IMMP2L: variants seen among roughly 807,000 people sequenced by gnomAD.
IMMP2L encodes the protein inner mitochondrial membrane peptidase subunit 2.
IMMP2L carries 18 observed loss-of-function variants against 19.3 expected under a neutral mutation model. That is an observed-to-expected ratio of 0.93 (90% CI 0.64 to 1.38). IMMP2L has a LOEUF of 1.38. Ranked by LOEUF, IMMP2L falls within the 40% of genes most tolerant of loss-of-function variation. The probability of loss-of-function intolerance (pLI) is 0.00; values close to 1 mark genes in which losing one functional copy is unlikely to be tolerated. For missense variants in IMMP2L, 233 were observed against 218.2 expected (o/e 1.07, Z -0.43); for synonymous variants, 76 against 73.0 (o/e 1.04, Z -0.21).
intron 3 of IMMP2L, among the ~76,000 whole-genome samples, chr7:111,031,570 C>T (rs1790828016): frequency 6.6e-6 from 1 of 151,962 alleles, no homozygotes; most frequent in African/African-American, 2.4e-5. Context: ...CAAGCCTACA[C>T]AGATATAAAT....
chr7:110,997,399 G>A (rs1038746964), intron 3 of IMMP2L, among the ~76,000 whole-genome samples: 6 of 151,942 alleles, frequency 3.9e-5, no homozygotes, highest in South Asian at 2.1e-4. Context: ...TCCATTTCTC[G>A]GGGATAAATG....
chr7:110,886,624 C>G lies in IMMP2L; in HGVS notation c.377G>C (p.Gly126Ala), dbSNP rs1225107238. ...GHIWVEGDHHGHSFDSNSFGP... is the reference protein window; with the variant it reads ...GHIWVEGDHHAHSFDSNSFGP... The stretch of plus-strand genomic sequence containing the variant: ...AAAAGAATTACTGTCAAAACTGTGT[C>G]CATGATGATCACCTTCAACCCAGAT... The change falls in exon 5 of 6, where the codon GGA becomes GCA. Residue 126 changes from glycine to alanine, a missense_variant. Coordinates refer to ENST00000405709, the MANE Select transcript of IMMP2L (RefSeq NM_032549.4). 1.9e-6 allele frequency: 3 copies of G among 1,605,922 alleles called. No individual in the cohort carries two copies. The highest frequency in any genetic ancestry group is 2.6e-6 in the Non-Finnish European group (3 of 1,172,900).
At position 111,376,576 on chromosome 7, in the gene IMMP2L, G is replaced by T. The variant is rs1830694890; in HGVS notation, c.239+110662C>A. 1.3e-5 allele frequency among the ~76,000 whole-genome samples: 2 copies of T among 151,992 alleles called. 1 individual carries two copies. Among genetic ancestry groups the T allele is most frequent in the Non-Finnish European group, 2.9e-5 (2 of 68,012 alleles). ...TATATATATATGAGAATTGAAAACA[G>T]TTATTCAAAAATTTGCAAACAAATG... On this transcript the variant is annotated intron_variant, in intron 3 of 5. Coordinates refer to ENST00000405709, the MANE Select transcript of IMMP2L (RefSeq NM_032549.4).
intron 4 of IMMP2L, among the ~76,000 whole-genome samples, chr7:110,887,645 T>C (rs1810356519): frequency 6.7e-6 from 1 of 150,086 alleles, no homozygotes; most frequent in South Asian, 2.1e-4. Context: ...ATTGGTTCAA[T>C]AAATTATGAT....
intron 5 of IMMP2L, among the ~76,000 whole-genome samples, chr7:110,670,839 G>T (rs1791871504): frequency 6.6e-6 from 1 of 152,030 alleles, no homozygotes; most frequent in African/African-American, 2.4e-5. Flanking sequence ...TTGCTTTGAA[G>T]AAAAAGAGAG....
intron 3 of IMMP2L, among the ~76,000 whole-genome samples, chr7:111,278,326 C>T: frequency 6.6e-6 from 1 of 152,184 alleles, no homozygotes; most frequent in East Asian, 1.9e-4. Flanking sequence ...TTATATGAGA[C>T]ATGAGTAAAC....
intron 3 of IMMP2L, among the ~76,000 whole-genome samples, chr7:111,003,250 G>A (rs996214328): frequency 1.3e-5 from 2 of 151,894 alleles, no homozygotes; most frequent in Admixed American, 6.6e-5. Context: ...AATATTTACC[G>A]ATATTCTCTC....
intron 3 of IMMP2L, among the ~76,000 whole-genome samples, chr7:111,197,703 T>C (rs1334554374): frequency 6.6e-6 from 1 of 152,190 alleles, no homozygotes; most frequent in Non-Finnish European, 1.5e-5. Context: ...GCAGAACTAC[T>C]ATACAATGCG....
At chr7:111,467,584 G>A (rs576785430) in intron 3 of IMMP2L, among the ~76,000 whole-genome samples, 1 of 152,132 alleles carries the variant, frequency 6.6e-6, no homozygotes, top group African/African-American at 2.4e-5. Flanking sequence ...AGACTTCCTC[G>A]GGATTACAGA....
intron 3 of IMMP2L, among the ~76,000 whole-genome samples, chr7:110,964,389 C>A (rs1348212296): frequency 2.0e-5 from 3 of 151,954 alleles, no homozygotes; most frequent in Non-Finnish European, 4.4e-5. Flanking sequence ...AGATGCGAAG[C>A]ATTTCCTTTA....
chr7:110,726,817 C>A (rs1366968392), intron 5 of IMMP2L, among the ~76,000 whole-genome samples: 2 of 152,142 alleles, frequency 1.3e-5, no homozygotes, highest in African/African-American at 4.8e-5. Context: ...GAGAAATTTG[C>A]TGAGTGGGGA....
chr7:110,804,577 C>A (rs1801490952), intron 5 of IMMP2L, among the ~76,000 whole-genome samples: 2 of 152,068 alleles, frequency 1.3e-5, no homozygotes, highest in African/African-American at 2.4e-5. Flanking sequence ...GGGCACACAG[C>A]AGCTCAGCTA....
chr7:111,265,790 GAGAA>G (rs1817768828), intron 3 of IMMP2L, among the ~76,000 whole-genome samples: 1 of 152,112 alleles, frequency 6.6e-6, no homozygotes, highest in South Asian at 2.1e-4. Context: ...CTAAAAATAT[GAGAA>G]AGAAAGAGAA....
At chr7:111,362,227 C>A (rs565624881) in intron 3 of IMMP2L, among the ~76,000 whole-genome samples, 8 of 151,990 alleles carry the variant, frequency 5.3e-5, no homozygotes, top group Non-Finnish European at 1.5e-5. Flanking sequence ...GGATTTTACC[C>A]TAATGTAATC....
intron 3 of IMMP2L, among the ~76,000 whole-genome samples, chr7:111,000,827 G>C: frequency 7.0e-6 from 1 of 143,820 alleles, no homozygotes; most frequent in East Asian, 2.0e-4. Flanking sequence ...CTGGGCAACA[G>C]AGCCAGACTC....
intron 5 of IMMP2L, among the ~76,000 whole-genome samples, chr7:110,868,235 T>C (rs1808190940): frequency 6.6e-6 from 1 of 151,274 alleles, no homozygotes. Context: ...AAAGAACACC[T>C]GGTGTATATT....
chr7:110,957,511 T>G (rs915772140), intron 4 of IMMP2L, among the ~76,000 whole-genome samples: 2 of 152,082 alleles, frequency 1.3e-5, no homozygotes, highest in Non-Finnish European at 2.9e-5. Context: ...AGAGTGATTC[T>G]TTAAAAATGC....
At chr7:111,328,446 T>A (rs1396049142) in intron 3 of IMMP2L, among the ~76,000 whole-genome samples, 3 of 151,786 alleles carry the variant, frequency 2.0e-5, no homozygotes, top group Non-Finnish European at 4.4e-5. Context: ...CCCTTCTTGC[T>A]CCTTATTGGT....
intron 3 of IMMP2L, among the ~76,000 whole-genome samples, chr7:111,276,055 C>G (rs1393141560): frequency 6.6e-6 from 1 of 151,974 alleles, no homozygotes; most frequent in Non-Finnish European, 1.5e-5. Flanking sequence ...CAACTTTTCC[C>G]CATTAAGTAT....
Sources: allele counts gnomAD v4.1 joint callset (sites outside exome capture counted in the v4.1 genomes callset), GRCh38; gene constraint gnomAD v4.1.1; transcripts MANE v1.5; gene names NCBI Gene and HGNC (gene_info 2026-07-23, HGNC 2026-07-21).